The following ATP2A2 variants were observed in gnomAD, a reference collection of about 807,000 sequenced individuals.
The protein encoded by ATP2A2 is ATPase sarcoplasmic/endoplasmic reticulum Ca2+ transporting 2.
A neutral mutation model predicts 109.3 loss-of-function variants in ATP2A2; 14 were observed. The observed-to-expected ratio is 0.13, with a 90% confidence interval of 0.08 to 0.20. The LOEUF (loss-of-function observed/expected upper bound fraction) is 0.20. Ranked by LOEUF, ATP2A2 falls within the 10% of genes least tolerant of loss-of-function variation. The probability of loss-of-function intolerance (pLI) is 1.00; values close to 1 mark genes in which losing one functional copy is unlikely to be tolerated. For missense variants in ATP2A2, 657 were observed against 1,321.6 expected, an observed-to-expected ratio of 0.50 and a Z score of 7.80; for synonymous variants, 506 against 490.9, an observed-to-expected ratio of 1.03 and a Z score of -0.41.
chr12:110,338,909 A>G (rs1238614238), intron 11 of ATP2A2, among the ~76,000 whole-genome samples: 1 of 152,202 alleles, frequency 6.6e-6, no homozygotes, highest in East Asian at 1.9e-4. Context: ...AGGACTTGCC[A>G]GGTTGCACTT....
At chr12:110,334,586 CTTTTTTTTTTT>C (rs67776124) in intron 11 of ATP2A2, among the ~76,000 whole-genome samples, 1,214 of 114,506 alleles carry the variant, frequency 0.011, 12 homozygotes, top group Admixed American at 0.012. Context: ...TCAATTAAAC[CTTTTTTTTTTT>C]TTTTTTTTTG....
At chr12:110,334,815 T>G (rs1007665849) in intron 11 of ATP2A2, among the ~76,000 whole-genome samples, 59 of 152,226 alleles carry the variant, frequency 3.9e-4, no homozygotes, top group African/African-American at 1.4e-3. Context: ...CTCGAACTCC[T>G]GACCTCAGGT....
At chr12:110,298,879 G>C (rs1286621988) in intron 5 of ATP2A2, among the ~76,000 whole-genome samples, 5 of 152,118 alleles carry the variant, frequency 3.3e-5, no homozygotes, top group Non-Finnish European at 5.9e-5. Context: ...TAGTATCAAG[G>C]ATGTTCTCTT....
Position 110,346,302 on chromosome 12 carries a change from C to T in ATP2A2, c.2961C>T (p.Ala987=). The T allele has an allele frequency of 6.2e-7, 1 of 1,614,188 alleles. No individual in the cohort carries two copies. Residue 987 remains alanine (A), a synonymous_variant, in exon 20 of 20, where the codon GCC becomes GCT. Coordinates refer to ENST00000539276, the MANE Select transcript of ATP2A2 (RefSeq NM_170665.4). The part of the protein sequence containing the change: ...ILMDETLKFV[A]RNYLEPGKEC... ...TGGATGAGACGCTCAAGTTTGTGGCCCGCAACTACCTGGAACCTGGTAAAG... is the reference window on the plus strand; with the variant it reads ...TGGATGAGACGCTCAAGTTTGTGGCTCGCAACTACCTGGAACCTGGTAAAG...
intron 3 of ATP2A2, among the ~76,000 whole-genome samples, chr12:110,287,505 G>A (rs1204258741): frequency 6.6e-6 from 1 of 152,204 alleles, no homozygotes; most frequent in Non-Finnish European, 1.5e-5. Flanking sequence ...AGGTATTATT[G>A]TATTTAGCAC....
chr12:110,283,105 G>C (rs188425872), intron 3 of ATP2A2, among the ~76,000 whole-genome samples: 1 of 152,200 alleles, frequency 6.6e-6, no homozygotes. Flanking sequence ...AGCCTTTAAT[G>C]TTTTGGGTTC....
intron 5 of ATP2A2, among the ~76,000 whole-genome samples, chr12:110,317,045 C>T (rs1876741907): frequency 6.6e-6 from 1 of 152,062 alleles, no homozygotes; most frequent in Non-Finnish European, 1.5e-5. Context: ...ATGTTCCTTC[C>T]CTGTTCACCG....
intron 5 of ATP2A2, among the ~76,000 whole-genome samples, chr12:110,304,951 A>G (rs1875108557): frequency 6.6e-6 from 1 of 151,536 alleles, no homozygotes; most frequent in Non-Finnish European, 1.5e-5. Flanking sequence ...TCTTTTTGAG[A>G]CGGAGTCTTG....
rs1877919743 is a variant in ATP2A2 at position 110,327,443 on chromosome 12, G to T, written c.631-110G>T. The T allele has an allele frequency of 1.0e-6, 1 of 977,310 alleles. No homozygotes were observed. The allele number at this position is 977,310 out of a possible 1,614,324, so 60.5% of individuals were successfully genotyped here. Reference sequence around the variant, plus strand: ...GTTGCTTGAACAGTAGCCAGTGGAAGACCTAGTAGAATGTGTAGAGAATCT... The same window carrying T: ...GTTGCTTGAACAGTAGCCAGTGGAATACCTAGTAGAATGTGTAGAGAATCT... On this transcript the variant is annotated intron_variant, in intron 7 of 19. Transcript: ENST00000539276. This position sits in a 1 kb window ranked among gnomAD's most constrained non-coding sequence, Gnocchi z 4.4.
At chr12:110,336,347 C>T (rs1878841962) in intron 11 of ATP2A2, among the ~76,000 whole-genome samples, 1 of 152,118 alleles carries the variant, frequency 6.6e-6, no homozygotes, top group South Asian at 2.1e-4. Context: ...TAAAGGCAAG[C>T]CTCATTTAGC....
chr12:110,285,339 A>AAG (rs1458791433), intron 3 of ATP2A2, among the ~76,000 whole-genome samples: 8 of 152,206 alleles, frequency 5.3e-5, no homozygotes, highest in Non-Finnish European at 2.9e-5. Flanking sequence ...TTTGACACTG[A>AAG]AGACCCCCCC....
intron 5 of ATP2A2, among the ~76,000 whole-genome samples, chr12:110,307,215 C>G (rs1033863515): frequency 4.2e-5 from 6 of 143,474 alleles, no homozygotes; most frequent in African/African-American, 1.3e-4. Context: ...CCCCCCAGCC[C>G]CACCACCTTT....
Position 110,348,256 on chromosome 12 carries a change from C to G in ATP2A2, c.*1786C>G, listed in dbSNP as rs1005943126. 8.6e-5 allele frequency: 85 copies of G among 985,066 alleles called. No individual in the cohort carries two copies. Among genetic ancestry groups the G allele is most frequent in the Non-Finnish European group, 9.2e-5 (76 of 829,826 alleles). The allele number at this position is 985,066 out of a possible 1,614,324, so 61.0% of individuals were successfully genotyped here. On this transcript the variant is annotated 3_prime_UTR_variant, in exon 20 of 20. Coordinates refer to ENST00000539276, the MANE Select transcript of ATP2A2 (RefSeq NM_170665.4). ...AGGTTCGTCTTAAATAGGCCACTTC[C>G]CCACTCCCCCACCCCCCCTTGCTTG...
intron 5 of ATP2A2, among the ~76,000 whole-genome samples, chr12:110,298,313 G>A (rs935354776): frequency 6.6e-6 from 1 of 152,246 alleles, no homozygotes; most frequent in Non-Finnish European, 1.5e-5. Flanking sequence ...ATTTGGGACT[G>A]TGTAGTGTTT....
At chr12:110,326,072 C>A in intron 6 of ATP2A2, 1 of 387,692 alleles carries the variant, frequency 2.6e-6, no homozygotes, top group South Asian at 2.4e-5. Context: ...GTCACAGTAT[C>A]AGAGTATAAA....
At chr12:110,288,913 C>T (rs1488140230) in intron 3 of ATP2A2, among the ~76,000 whole-genome samples, 4 of 152,154 alleles carry the variant, frequency 2.6e-5, no homozygotes, top group Admixed American at 2.6e-4. Flanking sequence ...ACCCCATCTC[C>T]CTCCCAGTCT....
At chr12:110,294,512 T>C (rs774061073) in intron 4 of ATP2A2, among the ~76,000 whole-genome samples, 1 of 151,940 alleles carries the variant, frequency 6.6e-6, no homozygotes, top group Non-Finnish European at 1.5e-5. Context: ...ATACAGAAAG[T>C]TAGCTGGGTA....
intron 1 of ATP2A2, among the ~76,000 whole-genome samples, chr12:110,282,253 G>A (rs1009322475): frequency 1.3e-5 from 2 of 152,214 alleles, no homozygotes; most frequent in Non-Finnish European, 2.9e-5. Context: ...GAGGAGTCGA[G>A]GTCGTTGGAA....
intron 5 of ATP2A2, among the ~76,000 whole-genome samples, chr12:110,309,140 A>ATTTTTTTTTTTTTTTTTTTTTTTTTTTTT (rs10665212): frequency 1.4e-4 from 7 of 48,902 alleles, no homozygotes; most frequent in Non-Finnish European, 2.5e-4. Flanking sequence ...AAGGAAACTA[A>ATTTTTTTTTTTTTTTTTTTTTTTTTTTTT]TTTTTTTTTT....
Sources: gnomAD v4.1 joint callset for allele counts (sites outside exome capture counted in the v4.1 genomes callset) on GRCh38, gnomAD v4.1.1 for gene constraint, Gnocchi (gnomAD v3.1) non-coding constraint, MANE v1.5 for transcripts, NCBI Gene and HGNC (gene_info 2026-07-23, HGNC 2026-07-21) for gene names.